ATF6: variants seen among roughly 807,000 people sequenced by gnomAD.
The protein encoded by ATF6 is cyclic AMP-dependent transcription factor ATF-6 alpha.
In ATF6, 53 loss-of-function variants were observed where a neutral mutation model predicts 83.6. The observed-to-expected ratio is 0.63, with a 90% CI of 0.51 to 0.80. The LOEUF is 0.80. ATF6 is among the 30% of genes least tolerant of loss of function. The pLI, the probability that ATF6 is intolerant of heterozygous loss-of-function variation, is 0.00. For missense variants in ATF6, 744 were observed against 797.9 expected (o/e 0.93, Z 0.81); for synonymous variants, 288 against 285.8 (o/e 1.01, Z -0.08).
intron 14 of ATF6, among the ~76,000 whole-genome samples, chr1:161,882,563 A>T (rs12028953): frequency 0.097 from 14,702 of 152,142 alleles, 1,273 homozygotes; most frequent in East Asian, 0.32. Flanking sequence ...ATTGGCTTAG[A>T]TAATATAAAA....
At chr1:161,923,095 A>G (rs903271498) in intron 15 of ATF6, among the ~76,000 whole-genome samples, 2 of 152,174 alleles carry the variant, frequency 1.3e-5, no homozygotes, top group Non-Finnish European at 2.9e-5. Context: ...TCTGTGGACC[A>G]CTAGAATACT....
At chr1:161,801,169 C>T (rs552269043) in intron 6 of ATF6, among the ~76,000 whole-genome samples, 14 of 152,056 alleles carry the variant, frequency 9.2e-5, no homozygotes, top group African/African-American at 3.4e-4. Context: ...TAATAATTCT[C>T]GTCAGATTAG....
At chr1:161,896,901 G>A (rs954179994) in intron 14 of ATF6, among the ~76,000 whole-genome samples, 5 of 152,104 alleles carry the variant, frequency 3.3e-5, no homozygotes, top group African/African-American at 1.2e-4. Context: ...GACAAAACAA[G>A]GTCTAGAAGT....
chr1:161,923,212 G>A (rs994718001), intron 15 of ATF6, among the ~76,000 whole-genome samples: 1 of 152,140 alleles, frequency 6.6e-6, no homozygotes, highest in African/African-American at 2.4e-5. Flanking sequence ...TTACCTTGAA[G>A]GTGGTGGTGT....
intron 14 of ATF6, among the ~76,000 whole-genome samples, chr1:161,885,489 G>A (rs1424849121): frequency 6.6e-6 from 1 of 152,084 alleles, no homozygotes; most frequent in East Asian, 1.9e-4. Context: ...GAAGCTGTAT[G>A]CTATTGATGG....
At chr1:161,869,135 G>A (rs1000788118) in intron 14 of ATF6, among the ~76,000 whole-genome samples, 6 of 151,944 alleles carry the variant, frequency 3.9e-5, no homozygotes, top group African/African-American at 1.5e-4. Context: ...CAGAGGTTTA[G>A]TCCCACGGAT....
In ATF6 at chr1:161,889,854, A is replaced by G. The variant is rs1341575652; in HGVS notation, c.1720-22442A>G. Among the ~76,000 whole-genome samples the G allele has an allele frequency of 4.6e-5, 7 of 152,270 alleles. No homozygotes were observed. In the South Asian group the frequency reaches 1.2e-3, roughly 27 times the overall value. Reference sequence around the variant, plus strand: ...GTAGAATGAAATTTTAGAAGAGCACAGAATTTGTCTTTATAATTCTGAAAG... The same window carrying G: ...GTAGAATGAAATTTTAGAAGAGCACGGAATTTGTCTTTATAATTCTGAAAG... On this transcript the variant is annotated intron_variant, in intron 14 of 15. Coordinates refer to ENST00000367942, the MANE Select transcript of ATF6 (RefSeq NM_007348.4).
intron 14 of ATF6, among the ~76,000 whole-genome samples, chr1:161,882,644 T>C (rs1369774666): frequency 6.6e-6 from 1 of 152,002 alleles, no homozygotes; most frequent in Non-Finnish European, 1.5e-5. Context: ...AGTTTTTCCA[T>C]TTAGCTGTGA....
At chr1:161,882,947 T>C (rs1001149473) in intron 14 of ATF6, among the ~76,000 whole-genome samples, 2 of 151,908 alleles carry the variant, frequency 1.3e-5, no homozygotes, top group Non-Finnish European at 2.9e-5. Flanking sequence ...AGCATATGGG[T>C]ACATAGAAAG....
At chr1:161,817,450 A>G (rs764796637) in intron 7 of ATF6, among the ~76,000 whole-genome samples, 10 of 152,182 alleles carry the variant, frequency 6.6e-5, no homozygotes, top group Admixed American at 2.6e-4. Context: ...TGTCCGGAGA[A>G]TAGTTTGCAT....
At chr1:161,807,477 T>C (rs568536740) in intron 7 of ATF6, among the ~76,000 whole-genome samples, 41 of 152,310 alleles carry the variant, frequency 2.7e-4, no homozygotes, top group Non-Finnish European at 4.7e-4. Flanking sequence ...GATATTTCTT[T>C]AGGCTGCAAA....
At chr1:161,811,938 T>G (rs2101770397) in intron 7 of ATF6, among the ~76,000 whole-genome samples, 1 of 152,336 alleles carries the variant, frequency 6.6e-6, no homozygotes, top group South Asian at 2.1e-4. Flanking sequence ...AATAGTTCAA[T>G]CACCTGTCAA....
intron 14 of ATF6, among the ~76,000 whole-genome samples, chr1:161,873,619 A>G (rs1687158070): frequency 1.3e-5 from 2 of 151,564 alleles, no homozygotes; most frequent in African/African-American, 4.8e-5. Context: ...TGTGATATTT[A>G]TTTCAACACA....
At chr1:161,922,216 G>A (rs1220845638) in intron 15 of ATF6, among the ~76,000 whole-genome samples, 9 of 152,174 alleles carry the variant, frequency 5.9e-5, no homozygotes. Flanking sequence ...TTGAGAACCA[G>A]CGGTGGATTT....
At chr1:161,808,935 C>T (rs2101765790) in intron 7 of ATF6, among the ~76,000 whole-genome samples, 1 of 152,198 alleles carries the variant, frequency 6.6e-6, no homozygotes, top group South Asian at 2.1e-4. Context: ...ATAGGGGTGC[C>T]ATAATTATTG....
At chr1:161,908,543 G>A (rs1301067982) in intron 14 of ATF6, among the ~76,000 whole-genome samples, 1 of 106,082 alleles carries the variant, frequency 9.4e-6, no homozygotes, top group Non-Finnish European at 1.8e-5. Context: ...TCCCCTCCAT[G>A]TTTCTCTAAC....
chr1:161,802,302 A>T, intron 7 of ATF6, 30 bp downstream of exon 7: 13 of 1,587,124 alleles, frequency 8.2e-6, no homozygotes, highest in Non-Finnish European at 1.1e-5. Flanking sequence ...GCTTCTCTTA[A>T]TGCCTGATTT....
rs1268686081 is a variant in ATF6 at position 161,792,317 on chromosome 1, A to C, written c.678A>C (p.Ala226=). Reference sequence around the variant, plus strand: ...AACCAATTATCAGTTTACAACCTGCACCCACTAAAGGTACCTGAGCAGAAT... The same window carrying C: ...AACCAATTATCAGTTTACAACCTGCCCCCACTAAAGGTACCTGAGCAGAAT... The part of the protein sequence containing the change: ...KQQPIISLQP[A]PTKGQTVLLS... The change falls in exon 6 of 16, where the codon GCA becomes GCC. Residue 226 remains alanine (A), a synonymous_variant. Coordinates refer to ENST00000367942, the MANE Select transcript of ATF6 (RefSeq NM_007348.4). 6.2e-7 allele frequency: 1 copy of C among 1,613,602 alleles called. No homozygotes were observed. The highest frequency in any genetic ancestry group is 1.3e-5 in the African/African-American group (1 of 74,936).
chr1:161,836,176 C>T (rs16852360), intron 9 of ATF6, among the ~76,000 whole-genome samples: 6,893 of 152,226 alleles, frequency 0.045, 224 homozygotes, highest in Non-Finnish European at 0.061. Flanking sequence ...CCAGCATTCT[C>T]TGAGTTTGTC....
Sources: gnomAD v4.1 joint callset for allele counts (sites outside exome capture counted in the v4.1 genomes callset) on GRCh38, gnomAD v4.1.1 for gene constraint, MANE v1.5 for transcripts, NCBI Gene and HGNC (gene_info 2026-07-23, HGNC 2026-07-21) for gene names.